PAK6: variants seen among roughly 807,000 people sequenced by gnomAD.
The protein encoded by PAK6 is p21 (RAC1) activated kinase 6.
A neutral mutation model predicts 60.8 loss-of-function variants in PAK6; 33 were observed. The ratio of observed to expected loss-of-function variants is 0.54; its 90% CI spans 0.41 to 0.73. PAK6 has a LOEUF of 0.73. PAK6 is among the 30% of genes least tolerant of loss of function. PAK6 has a pLI of 0.00. For missense variants in PAK6, 845 were observed against 904.1 expected (o/e 0.93, Z 0.84); for synonymous variants, 404 against 378.5 (o/e 1.07, Z -0.78).
At chr15:40,264,517 G>A in intron 3 of PAK6, 3 of 589,114 alleles carry the variant, frequency 5.1e-6, no homozygotes, top group Non-Finnish European at 9.5e-6. Flanking sequence ...CTCCATAGGG[G>A]ACTTGGCACA....
chr15:40,275,280 G>GTTTTGTTTTTT (rs1448905930), intron 10 of PAK6, among the ~76,000 whole-genome samples: 1 of 56,486 alleles, frequency 1.8e-5, no homozygotes, highest in Non-Finnish European at 3.1e-5. Context: ...GTTGTTGTTG[G>GTTTTGTTTTTT]TTTTTTTTTT....
chr15:40,257,416 C>T (rs12901591), intron 3 of PAK6, among the ~76,000 whole-genome samples: 64,533 of 152,094 alleles, frequency 0.42, 14,369 homozygotes, highest in East Asian at 0.76. Flanking sequence ...ACTCAGTATG[C>T]GCAAACAGCC....
At chr15:40,262,304 GAC>G (rs1296892947) in intron 3 of PAK6, among the ~76,000 whole-genome samples, 1 of 152,172 alleles carries the variant, frequency 6.6e-6, no homozygotes, top group African/African-American at 2.4e-5. Context: ...AGAAGTTCGA[GAC>G]CAGCCTGGCC....
chr15:40,253,385 G>A (rs962057381), intron 3 of PAK6, 96 bp downstream of exon 3: 44 of 412,500 alleles, frequency 1.1e-4, no homozygotes, highest in African/African-American at 8.2e-4. Flanking sequence ...GCCCTCCTGG[G>A]CTGGCTCCTT....
chr15:40,254,520 C>T (rs558070771), intron 3 of PAK6, among the ~76,000 whole-genome samples: 1 of 152,322 alleles, frequency 6.6e-6, no homozygotes, highest in Non-Finnish European at 1.5e-5. Context: ...GCGCCCCCTG[C>T]ACATCACACA....
chr15:40,264,267 GATTCA>G (rs960786016), intron 3 of PAK6, among the ~76,000 whole-genome samples: 35 of 151,766 alleles, frequency 2.3e-4, no homozygotes, highest in African/African-American at 8.4e-4. Flanking sequence ...TATACTGTTG[GATTCA>G]ATTCGATAGT....
exon 11 of PAK6, chr15:40,276,079 G>C (rs781552729): frequency 6.2e-7 from 1 of 1,613,712 alleles, no homozygotes; most frequent in East Asian, 2.2e-5. Flanking sequence ...ACCGAAAGCA[G>C]ACCTCCACCT....
chr15:40,248,652 G>GC (rs2038564537), intron 2 of PAK6, among the ~76,000 whole-genome samples: 1 of 152,152 alleles, frequency 6.6e-6, no homozygotes, highest in Non-Finnish European at 1.5e-5. Flanking sequence ...GAACCTGAGG[G>GC]CCCCTCTGCC....
chr15:40,270,901 GGGAA>G (rs1469025572), intron 5 of PAK6, among the ~76,000 whole-genome samples: 1 of 152,322 alleles, frequency 6.6e-6, no homozygotes, highest in South Asian at 2.1e-4. Flanking sequence ...CGGGGGGTCG[GGGAA>G]GGAAGGGAGT....
chr15:40,271,177 T>C (rs746645930), intron 5 of PAK6, among the ~76,000 whole-genome samples: 2 of 152,194 alleles, frequency 1.3e-5, no homozygotes, highest in Non-Finnish European at 2.9e-5. Context: ...ACGTAATCCC[T>C]GGGAGGGGTC....
At chr15:40,244,128 C>A (rs62020052) in intron 2 of PAK6, among the ~76,000 whole-genome samples, 3 of 151,940 alleles carry the variant, frequency 2.0e-5, no homozygotes, top group South Asian at 2.1e-4. Context: ...TCAAGAGATC[C>A]AGACCATCCT....
chr15:40,262,512 CAACAACAACAACAACA>C (rs145766351), intron 3 of PAK6, among the ~76,000 whole-genome samples: 8,060 of 116,442 alleles, frequency 0.069, 840 homozygotes, highest in East Asian at 0.55. Flanking sequence ...TTCTCAAAAA[CAACAACAACAACAACA>C]AACAACAACA....
exon 4 of PAK6, chr15:40,264,836 C>T (rs2039077561): frequency 1.2e-6 from 2 of 1,613,902 alleles, no homozygotes; most frequent in Non-Finnish European, 1.7e-6. Context: ...CGCCACAGAA[C>T]TTCCAGCACC....
chr15:40,275,793 T>G, intron 10 of PAK6, 134 bp from the exon 11 acceptor site: 1 of 760,728 alleles, frequency 1.3e-6, no homozygotes, highest in Non-Finnish European at 2.2e-6. Context: ...CTTGAGGGGG[T>G]GGGGAGGGAC....
At chr15:40,272,696 A>G (rs751039749) in exon 6 of PAK6, 1 of 1,595,506 alleles carries the variant, frequency 6.3e-7, no homozygotes, top group Non-Finnish European at 8.5e-7. Flanking sequence ...AGGAAGCAGC[A>G]GCGCAGGGAG....
intron 3 of PAK6, 194 bp from the exon 4 acceptor site, chr15:40,264,587 T>G: frequency 1.6e-6 from 1 of 633,612 alleles, no homozygotes; most frequent in Non-Finnish European, 2.8e-6. Flanking sequence ...ATGGCACGTT[T>G]GTTGTTTCTG....
chr15:40,240,504 C>T (rs2038293410), intron 1 of PAK6, 95 bp from the exon 2 acceptor site: 7 of 382,814 alleles, frequency 1.8e-5, no homozygotes, highest in South Asian at 1.4e-4. Context: ...AGGACAATAC[C>T]AACCAGGAGC....
intron 2 of PAK6, 57 bp downstream of exon 2, chr15:40,240,738 C>T (rs980144772): frequency 2.6e-5 from 11 of 421,998 alleles, no homozygotes; most frequent in African/African-American, 4.2e-5. Flanking sequence ...ACGGGGGTGC[C>T]AAGGTGTCCA....
At chr15:40,274,065 A>G in intron 9 of PAK6, 77 bp from the exon 10 acceptor site, 1 of 1,550,416 alleles carries the variant, frequency 6.4e-7, no homozygotes, top group Non-Finnish European at 8.8e-7. Flanking sequence ...TCCCCCCTCC[A>G]CCACTGCTGC....
Sources: gnomAD v4.1 joint callset for allele counts (sites outside exome capture counted in the v4.1 genomes callset) on GRCh38, gnomAD v4.1.1 for gene constraint, MANE v1.5 for transcripts, NCBI Gene and HGNC (gene_info 2026-07-23, HGNC 2026-07-21) for gene names.